Variants in CDC42BPB observed in about 807,000 individuals in gnomAD.
The protein encoded by CDC42BPB is serine/threonine-protein kinase MRCK beta.
A neutral mutation model predicts 214.9 loss-of-function variants in CDC42BPB; 37 were observed. The ratio of observed to expected loss-of-function variants is 0.17; its 90% confidence interval spans 0.13 to 0.23. The LOEUF (loss-of-function observed/expected upper bound fraction) is 0.23. CDC42BPB is among the 10% of genes least tolerant of loss of function. CDC42BPB has a pLI of 1.00. For synonymous variants in CDC42BPB, 931 were observed against 884.0 expected (o/e 1.05, Z -0.94); for missense variants, 1,694 against 2,227.0 (o/e 0.76, Z 4.82).
At chr14:103,009,971 T>C (rs1377298418) in intron 2 of CDC42BPB, among the ~76,000 whole-genome samples, 3 of 152,136 alleles carry the variant, frequency 2.0e-5, no homozygotes, top group Non-Finnish European at 2.9e-5. Context: ...GCAAGATCCC[T>C]GTCTCTACTA....
Position 102,963,173 on chromosome 14 carries a change from T to C in CDC42BPB, c.2727-18A>G. ...TTAGTTTGCTAAAATAAAAAATAAA[T>C]GGCTTTAAGTGCACTGAGAAGAGGT... On this transcript the variant is annotated intron_variant, in intron 19 of 36. Transcript: ENST00000361246. The C allele has an allele frequency of 3.2e-6, 5 of 1,568,164 alleles. No homozygotes were observed. Among genetic ancestry groups the C allele is most frequent in the Non-Finnish European group, 4.4e-6 (5 of 1,148,534 alleles).
At chr14:103,002,262 C>G (rs1296229401) in intron 4 of CDC42BPB, among the ~76,000 whole-genome samples, 2 of 152,186 alleles carry the variant, frequency 1.3e-5, no homozygotes, top group Non-Finnish European at 2.9e-5. Flanking sequence ...GCCGGCCCCG[C>G]AGTCACGGGC....
At chr14:102,983,975 A>C in intron 6 of CDC42BPB, 2 of 795,034 alleles carry the variant, frequency 2.5e-6, no homozygotes, top group Non-Finnish European at 3.0e-6. Flanking sequence ...GAACCGCTTG[A>C]GCCCAGGAGC....
intron 15 of CDC42BPB, 56 bp downstream of exon 15, chr14:102,968,416 C>A: frequency 6.2e-7 from 1 of 1,613,326 alleles, no homozygotes; most frequent in Non-Finnish European, 8.5e-7. Context: ...ATATTCGTAT[C>A]TATGGCGTGG....
In CDC42BPB at chr14:103,001,694, G is replaced by C. The variant is rs997438781; in HGVS notation, c.448-1981C>G. Reference sequence around the variant, plus strand: ...ATGCACACTGCAGGCATTCCAGAGGGAGCGGCCCCGGCAGCTGACGGACAC... The same window carrying C: ...ATGCACACTGCAGGCATTCCAGAGGCAGCGGCCCCGGCAGCTGACGGACAC... On this transcript the variant is annotated intron_variant, in intron 4 of 36. Transcript: ENST00000361246. This position sits in a 1 kb window ranked among gnomAD's most constrained non-coding sequence, Gnocchi z 5.8. Among the ~76,000 whole-genome samples, 5 of 152,192 alleles carry C rather than the reference G, an allele frequency of 3.3e-5. No individual in the cohort carries two copies. Among genetic ancestry groups the C allele is most frequent in the Admixed American group, 6.5e-5 (1 of 15,288 alleles).
At chr14:102,969,705 T>C (rs1408459987) in intron 14 of CDC42BPB, among the ~76,000 whole-genome samples, 1 of 152,196 alleles carries the variant, frequency 6.6e-6, no homozygotes, top group African/African-American at 2.4e-5. Flanking sequence ...CTCCGCGGCC[T>C]CCCTGCTACC....
chr14:103,022,919 CCAG>C (rs761730796), intron 1 of CDC42BPB, among the ~76,000 whole-genome samples: 2 of 152,134 alleles, frequency 1.3e-5, no homozygotes, highest in Non-Finnish European at 2.9e-5. Context: ...TCCCACTGCA[CCAG>C]TCCACACCAG....
intron 5 of CDC42BPB, among the ~76,000 whole-genome samples, chr14:102,993,037 C>T (rs1455210691): frequency 6.6e-6 from 1 of 151,972 alleles, no homozygotes; most frequent in Non-Finnish European, 1.5e-5. Context: ...GCCATGTTGG[C>T]CAGGCTGGTC....
chr14:103,039,959 A>G (rs1595181072), intron 1 of CDC42BPB, among the ~76,000 whole-genome samples: 1 of 152,220 alleles, frequency 6.6e-6, no homozygotes, highest in Non-Finnish European at 1.5e-5. Flanking sequence ...AAAGATCAAT[A>G]TATAAAAATC....
intron 7 of CDC42BPB, among the ~76,000 whole-genome samples, chr14:102,982,577 T>A (rs1403609130): frequency 6.6e-6 from 1 of 152,148 alleles, no homozygotes; most frequent in Non-Finnish European, 1.5e-5. Context: ...GAGACCAGCT[T>A]TGCTAACATG....
chr14:102,977,409 AGCTGCCAGAGGAC>A (rs931816617), intron 9 of CDC42BPB, among the ~76,000 whole-genome samples: 9 of 150,996 alleles, frequency 6.0e-5, no homozygotes, highest in African/African-American at 2.2e-4. Flanking sequence ...CTGTGGTTCC[AGCTGCCAGAGGAC>A]GCCAGGAATC....
At position 102,995,681 on chromosome 14, in the gene CDC42BPB, G is replaced by A. The variant is rs369037744; in HGVS notation, c.596+3884C>T. ...GTGAAACCTGCAGACCCCCGCCTGC[G>A]GGGTGGGATCCCCACAGCACCCGAC... is the stretch of plus-strand genomic sequence containing the variant. On this transcript the variant is annotated intron_variant, in intron 5 of 36. Coordinates refer to ENST00000361246, the MANE Select transcript of CDC42BPB (RefSeq NM_006035.4). Among the ~76,000 whole-genome samples, 7 of 152,362 alleles carry A rather than the reference G, an allele frequency of 4.6e-5. No homozygotes were observed. The East Asian group carries it at 9.7e-4, about 21-fold the overall frequency.
chr14:102,959,981 C>T (rs1365764597), intron 20 of CDC42BPB: 4 of 271,566 alleles, frequency 1.5e-5, no homozygotes, highest in African/African-American at 9.4e-5. Flanking sequence ...CCGAGGTGGG[C>T]GGATCACCTG....
At chr14:102,990,264 A>G (rs1325268269) in intron 5 of CDC42BPB, among the ~76,000 whole-genome samples, 2 of 152,234 alleles carry the variant, frequency 1.3e-5, no homozygotes, top group Non-Finnish European at 2.9e-5. Flanking sequence ...AAACAAAACA[A>G]AACAAATCCA....
chr14:102,950,220 C>T, intron 25 of CDC42BPB: 1 of 631,354 alleles, frequency 1.6e-6, no homozygotes, highest in South Asian at 6.9e-5. Context: ...TGCCCACTGG[C>T]TGGACACTCA....
chr14:102,962,457 C>T (rs991644779), intron 20 of CDC42BPB, among the ~76,000 whole-genome samples: 67 of 152,194 alleles, frequency 4.4e-4, no homozygotes, highest in African/African-American at 1.6e-3. Context: ...CAGAGGAGGC[C>T]GGGGTGGCCC....
chr14:103,008,634 A>C, intron 2 of CDC42BPB, 79 bp from the exon 3 acceptor site: 1 of 1,574,372 alleles, frequency 6.4e-7, no homozygotes, highest in Admixed American at 1.8e-5. Context: ...CTGTAGTGAA[A>C]TCCTAACAGC....
rs377345236 is a variant in CDC42BPB, at chr14:102,945,690, C to A, written c.3783G>T (p.Gly1261=). ...CTCGGGTGACCTCTATGACATAGAG[C>A]CCTTCTTCTAGGCCGACTGCAATCC... ...ADRIAVGLEE[G]LYVIEVTRDV... The change falls in exon 29 of 37, where the codon GGG becomes GGT. Residue 1261 remains glycine, a synonymous_variant. Coordinates refer to ENST00000361246, the MANE Select transcript of CDC42BPB (RefSeq NM_006035.4). 1 of 1,612,902 alleles carries A rather than the reference C, an allele frequency of 6.2e-7. No homozygotes were observed. The highest frequency in any genetic ancestry group is 1.7e-5 in the Admixed American group (1 of 60,018).
At chr14:103,029,149 G>A (rs1248452144) in intron 1 of CDC42BPB, among the ~76,000 whole-genome samples, 1 of 152,122 alleles carries the variant, frequency 6.6e-6, no homozygotes, top group Admixed American at 6.6e-5. Context: ...ACCTTATTTA[G>A]ACATTGACTC....
Sources: allele counts gnomAD v4.1 joint callset (sites outside exome capture counted in the v4.1 genomes callset), GRCh38; gene constraint gnomAD v4.1.1; non-coding constraint Gnocchi (gnomAD v3.1); transcripts MANE v1.5; gene names NCBI Gene and HGNC (gene_info 2026-07-23, HGNC 2026-07-21).